Variants in SYCP1 observed in about 807,000 individuals in gnomAD.
The protein encoded by SYCP1 is synaptonemal complex protein 1.
Under a neutral mutation model 153.1 loss-of-function variants are expected in SYCP1, and 64 were observed. The ratio of observed to expected loss-of-function variants is 0.42; its 90% CI spans 0.34 to 0.51. The LOEUF is 0.51. SYCP1 is among the 20% of genes least tolerant of loss of function. The pLI, the probability that SYCP1 is intolerant of heterozygous loss-of-function variation, is 0.06. For missense variants in SYCP1, 997 were observed against 1,049.0 expected (o/e 0.95, Z 0.68); for synonymous variants, 384 against 341.8 (o/e 1.12, Z -1.36).
intron 23 of SYCP1, among the ~76,000 whole-genome samples, chr1:114,938,212 C>T (rs1670153585): frequency 1.3e-5 from 2 of 152,122 alleles, no homozygotes; most frequent in African/African-American, 4.8e-5. Flanking sequence ...GAATACTATG[C>T]AGCCATAAAA....
intron 16 of SYCP1, among the ~76,000 whole-genome samples, chr1:114,897,328 T>G (rs1667140156): frequency 6.6e-6 from 1 of 152,118 alleles, no homozygotes; most frequent in Non-Finnish European, 1.5e-5. Flanking sequence ...GTTTGTTTGA[T>G]GGCCTGAAGG....
intron 27 of SYCP1, among the ~76,000 whole-genome samples, chr1:114,968,320 A>C (rs1672269261): frequency 6.6e-6 from 1 of 152,230 alleles, no homozygotes; most frequent in Non-Finnish European, 1.5e-5. Flanking sequence ...TACACCAATC[A>C]AATGTTGGTT....
chr1:114,966,081 T>C (rs1672109288), intron 27 of SYCP1, among the ~76,000 whole-genome samples: 2 of 152,206 alleles, frequency 1.3e-5, no homozygotes, highest in Non-Finnish European at 2.9e-5. Context: ...GGAGGGTGTA[T>C]GTGTCCAGGA....
chr1:114,935,432 T>C (rs1489279793), intron 23 of SYCP1, among the ~76,000 whole-genome samples: 1 of 152,192 alleles, frequency 6.6e-6, no homozygotes, highest in African/African-American at 2.4e-5. Context: ...TTTGTATCAC[T>C]AAATGCCCAC....
intron 14 of SYCP1, among the ~76,000 whole-genome samples, chr1:114,886,935 A>T (rs1666350657): frequency 6.6e-6 from 1 of 152,136 alleles, no homozygotes; most frequent in Admixed American, 6.5e-5. Flanking sequence ...GGAAATATTT[A>T]TATAAAGCTG....
At chr1:114,973,809 A>G (rs1259853226) in intron 27 of SYCP1, among the ~76,000 whole-genome samples, 5 of 151,868 alleles carry the variant, frequency 3.3e-5, no homozygotes, top group Non-Finnish European at 7.4e-5. Context: ...TATTTCAATT[A>G]TGTGTACTTC....
At chr1:114,917,526 T>C (rs1419996449) in intron 20 of SYCP1, among the ~76,000 whole-genome samples, 1 of 152,138 alleles carries the variant, frequency 6.6e-6, no homozygotes, top group Admixed American at 6.6e-5. Flanking sequence ...TGCTGGGTGA[T>C]ACGGTAGCTC....
chr1:114,920,831 TC>T (rs1172739862), intron 20 of SYCP1, among the ~76,000 whole-genome samples: 1 of 152,156 alleles, frequency 6.6e-6, no homozygotes, highest in Non-Finnish European at 1.5e-5. Context: ...GCATGGAGTT[TC>T]TTTTACCGTT....
intron 30 of SYCP1, among the ~76,000 whole-genome samples, chr1:114,988,601 A>G (rs879455941): frequency 6.6e-6 from 1 of 152,034 alleles, no homozygotes; most frequent in Non-Finnish European, 1.5e-5. Flanking sequence ...AGATATTTCC[A>G]GATAAACAAA....
intron 8 of SYCP1, among the ~76,000 whole-genome samples, chr1:114,864,957 C>T (rs139753920): frequency 0.048 from 7,260 of 152,142 alleles, 217 homozygotes; most frequent in African/African-American, 0.064. Flanking sequence ...TGGTGTGCTG[C>T]ACCCATTAAC....
intron 8 of SYCP1, among the ~76,000 whole-genome samples, chr1:114,864,463 T>C (rs1332051385): frequency 6.6e-6 from 1 of 152,078 alleles, no homozygotes; most frequent in Non-Finnish European, 1.5e-5. Context: ...TGTACTCCAC[T>C]CAGGATACTT....
chr1:114,972,092 G>A, intron 27 of SYCP1, among the ~76,000 whole-genome samples: 1 of 151,984 alleles, frequency 6.6e-6, no homozygotes, highest in East Asian at 1.9e-4. Flanking sequence ...CTTCAATCTT[G>A]CTAGATGTTA....
chr1:114,935,968 G>A (rs1669973227), intron 23 of SYCP1, among the ~76,000 whole-genome samples: 1 of 152,142 alleles, frequency 6.6e-6, no homozygotes, highest in African/African-American at 2.4e-5. Context: ...AATTCTACCA[G>A]AGGTACAAAC....
intron 17 of SYCP1, 34 bp downstream of exon 17, chr1:114,910,535 T>G (rs776885635): frequency 5.3e-5 from 71 of 1,342,156 alleles, no homozygotes; most frequent in Non-Finnish European, 7.0e-5. Context: ...TTTTAAATAT[T>G]TTGTTAATAG....
intron 23 of SYCP1, among the ~76,000 whole-genome samples, chr1:114,937,259 A>G (rs1056178566): frequency 6.6e-6 from 1 of 152,200 alleles, no homozygotes; most frequent in Middle Eastern, 3.2e-3. Flanking sequence ...CAACCATCTG[A>G]TCTTTGACAA....
chr1:114,875,252 C>CTTTGTCT (rs1460073334), intron 9 of SYCP1, among the ~76,000 whole-genome samples: 1 of 143,420 alleles, frequency 7.0e-6, no homozygotes, highest in Non-Finnish European at 1.5e-5. Flanking sequence ...AGGGTAGAGA[C>CTTTGTCT]TTTGTCTTCT....
In SYCP1 at chr1:114,945,022, G is replaced by A. The variant is rs74113413; in HGVS notation, c.2154+40G>A. The A allele has an allele frequency of 6.8e-3, 9,306 of 1,359,778 alleles. 511 individuals carry two copies. The African/African-American group carries it at 0.12, about 18-fold the overall frequency. The allele number at this position is 1,359,778 out of a possible 1,614,324, so 84.2% of individuals were successfully genotyped here. A position where few individuals can be genotyped will look rare whatever the true frequency, so the allele number is the denominator to read the frequency against. Reference sequence around the variant, plus strand: ...CTTATATAATGAAAATTATTAATTGGAGCCATATTTCTGTTAAATAATGGT... The same window carrying A: ...CTTATATAATGAAAATTATTAATTGAAGCCATATTTCTGTTAAATAATGGT... On this transcript the variant is annotated intron_variant, in intron 25 of 31. Transcript: ENST00000369522.
chr1:114,920,424 C>T (rs536236449), intron 20 of SYCP1, among the ~76,000 whole-genome samples: 57 of 152,112 alleles, frequency 3.7e-4, no homozygotes, highest in African/African-American at 1.2e-3. Context: ...GAGAATGTTC[C>T]ATGTGCTTAG....
chr1:114,882,106 GC>G (rs1665990724), intron 12 of SYCP1, among the ~76,000 whole-genome samples: 1 of 152,040 alleles, frequency 6.6e-6, no homozygotes, highest in South Asian at 2.1e-4. Context: ...GATCACTTGA[GC>G]CCAGGAGTTC....
Sources: gnomAD v4.1 joint callset for allele counts (sites outside exome capture counted in the v4.1 genomes callset) on GRCh38, gnomAD v4.1.1 for gene constraint, MANE v1.5 for transcripts, NCBI Gene and HGNC (gene_info 2026-07-23, HGNC 2026-07-21) for gene names.